Variants in SETD2 observed in about 807,000 individuals in gnomAD.
The protein encoded by SETD2 is SET domain containing 2, histone lysine methyltransferase.
In SETD2, 31 loss-of-function variants were observed where a neutral mutation model predicts 242.1. The ratio of observed to expected loss-of-function variants is 0.13; its 90% CI spans 0.10 to 0.17. SETD2 has a LOEUF of 0.17. Ranked by LOEUF, SETD2 falls within the 10% of genes least tolerant of loss-of-function variation. The pLI is 1.00. For missense variants in SETD2, 2,481 were observed against 3,046.3 expected (o/e 0.81, Z 4.37); for synonymous variants, 1,006 against 1,066.5 (o/e 0.94, Z 1.11).
chr3:47,096,002 C>T (rs1025902159), intron 9 of SETD2, among the ~76,000 whole-genome samples: 4 of 152,140 alleles, frequency 2.6e-5, no homozygotes, highest in Non-Finnish European at 5.9e-5. Context: ...GCTATCCTCC[C>T]GCCTTGGCCT....
chr3:47,138,700 C>T (rs571052654), intron 1 of SETD2, among the ~76,000 whole-genome samples: 11 of 152,030 alleles, frequency 7.2e-5, no homozygotes, highest in African/African-American at 2.4e-4. Flanking sequence ...GGATTACAGG[C>T]GTGAGCCACC....
intron 1 of SETD2, among the ~76,000 whole-genome samples, chr3:47,142,753 C>T (rs1226368580): frequency 1.3e-5 from 2 of 151,598 alleles, no homozygotes; most frequent in Admixed American, 1.3e-4. Context: ...CTGCAACCTC[C>T]GCCTCCCAGG....
intron 1 of SETD2, among the ~76,000 whole-genome samples, chr3:47,161,080 C>T (rs1414935491): frequency 6.6e-6 from 1 of 152,152 alleles, no homozygotes; most frequent in East Asian, 1.9e-4. Context: ...CATTTCAAAC[C>T]ATCCAAAGTC....
chr3:47,085,824 C>A (rs1434017746), intron 11 of SETD2, among the ~76,000 whole-genome samples: 1 of 152,176 alleles, frequency 6.6e-6, no homozygotes, highest in East Asian at 1.9e-4. Context: ...GAATTCAGAT[C>A]TTTACCAATT....
intron 12 of SETD2, among the ~76,000 whole-genome samples, chr3:47,072,410 A>G (rs2040863861): frequency 6.6e-6 from 1 of 152,198 alleles, no homozygotes; most frequent in African/African-American, 2.4e-5. Flanking sequence ...TTGAAAACTA[A>G]GACTAGATTT....
At chr3:47,130,988 A>AAACC (rs1273958372) in intron 1 of SETD2, among the ~76,000 whole-genome samples, 1 of 152,206 alleles carries the variant, frequency 6.6e-6, no homozygotes, top group Non-Finnish European at 1.5e-5. Context: ...GACTTAAAAA[A>AAACC]AACCAACCAA....
At chr3:47,102,539 T>C (rs1202187933) in intron 7 of SETD2, among the ~76,000 whole-genome samples, 1 of 152,208 alleles carries the variant, frequency 6.6e-6, no homozygotes, top group Non-Finnish European at 1.5e-5. Context: ...GCCTATAATC[T>C]TAGCACTTTG....
rs2043692691 is a variant in SETD2 at position 47,140,150 on chromosome 3, G to A, written c.72-13487C>T. Reference sequence around the variant, plus strand: ...CTTTGTTAAAAAGCTAATCTCAAATGTGTCACTACGGAATTCTAATCAGTG... The same window carrying A: ...CTTTGTTAAAAAGCTAATCTCAAATATGTCACTACGGAATTCTAATCAGTG... On this transcript the variant is annotated intron_variant, in intron 1 of 20. Transcript: ENST00000409792. Among the ~76,000 whole-genome samples the A allele has an allele frequency of 2.0e-5, 3 of 152,140 alleles. No individual in the cohort carries two copies. The South Asian group carries it at 6.2e-4, about 32-fold the overall frequency.
intron 14 of SETD2, among the ~76,000 whole-genome samples, chr3:47,059,544 C>T (rs186055507): frequency 3.3e-5 from 5 of 151,794 alleles, no homozygotes; most frequent in Admixed American, 2.0e-4. Context: ...CTCAGTCTCC[C>T]GAGTAGCTGG....
rs865799338 is a variant in SETD2, at chr3:47,107,733, G to A, written c.4716-1613C>T. Among the ~76,000 whole-genome samples, 6 of 96,826 alleles carry A rather than the reference G, an allele frequency of 6.2e-5. 1 individual carries two copies. The highest frequency in any genetic ancestry group is 1.2e-4 in the Non-Finnish European group (6 of 48,926). The allele number at this position is 96,826 out of a possible 152,430, so 63.5% of individuals were successfully genotyped here. A position where few individuals can be genotyped will look rare whatever the true frequency, so the allele number is the denominator to read the frequency against. ...CACTTTGGGTGGCGGGGGGGGGTGG[G>A]GGGGGGGTGGCAGGATTGCTTTGGC... is the stretch of plus-strand genomic sequence containing the variant. On this transcript the variant is annotated intron_variant, in intron 5 of 20. Transcript: ENST00000409792.
In SETD2 at chr3:47,123,079, T is replaced by G. The variant is rs1361834704; in HGVS notation, c.1557A>C (p.Lys519Asn). 3.7e-6 allele frequency: 6 copies of G among 1,613,770 alleles called. No homozygotes were observed. Among genetic ancestry groups the G allele is most frequent in the Non-Finnish European group, 5.1e-6 (6 of 1,179,884 alleles). ...TAATTGCTTCATTTTCTGAAGTCCT[T>G]TTAGATTCTCTTTCTAGTTTTGAAG... ...KYSSKLERES[K>N]RTSENEAIKR... Residue 519 changes from lysine (K) to asparagine (N), a missense_variant, in exon 3 of 21, where the codon AAA (lysine) becomes AAC (asparagine). Around this residue, in one of 17 missense-constraint regions of SETD2, gnomAD observed 1,300 missense variants for 1,259.2 expected, o/e 1.03. Coordinates refer to ENST00000409792, the MANE Select transcript of SETD2 (RefSeq NM_014159.7).
At chr3:47,056,389 A>G (rs569779265) in intron 15 of SETD2, among the ~76,000 whole-genome samples, 1 of 152,106 alleles carries the variant, frequency 6.6e-6, no homozygotes, top group Non-Finnish European at 1.5e-5. Flanking sequence ...GGCCTCCCAA[A>G]GTGCTGGGAT....
intron 15 of SETD2, among the ~76,000 whole-genome samples, chr3:47,048,708 G>A (rs1482497742): frequency 2.6e-5 from 4 of 151,726 alleles, no homozygotes; most frequent in Non-Finnish European, 5.9e-5. Context: ...CCTCCTCCTC[G>A]CCAGGGTGGA....
At chr3:47,020,624 G>C (rs1195943530) in intron 18 of SETD2, among the ~76,000 whole-genome samples, 1 of 152,086 alleles carries the variant, frequency 6.6e-6, no homozygotes, top group Non-Finnish European at 1.5e-5. Flanking sequence ...CCATACCTTT[G>C]CCCACCACTA....
In SETD2 at chr3:47,120,761, T is replaced by G; in HGVS notation, c.3875A>C (p.Gln1292Pro). ...GGHKYQQNAE[Q>P]YGGTRDYWQG... Reference sequence around the variant, plus strand: ...CCAGTAATCACGTGTCCCACCATACTGTTCTGCATTTTGCTGATACTTGTG... The same window carrying G: ...CCAGTAATCACGTGTCCCACCATACGGTTCTGCATTTTGCTGATACTTGTG... The change falls in exon 3 of 21, where the codon CAG (glutamine) becomes CCG (proline). Residue 1292 changes from glutamine to proline, a missense_variant. Physicochemically the swap from Gln to Pro is moderately conservative, Grantham distance 76. This residue lies in a region of SETD2 where 1,300 missense variants were observed against 1,259.2 expected (regional missense o/e 1.03). Coordinates refer to ENST00000409792, the MANE Select transcript of SETD2 (RefSeq NM_014159.7). The G allele has an allele frequency of 6.2e-7, 1 of 1,614,180 alleles. No individual in the cohort carries two copies. Among genetic ancestry groups the G allele is most frequent in the South Asian group, 1.1e-5 (1 of 91,072 alleles).
In SETD2 at chr3:47,101,560, G is replaced by A; in HGVS notation, c.4918-5C>T. On this transcript the variant is annotated splice_polypyrimidine_tract_variant and splice_region_variant and intron_variant, in intron 7 of 20. Transcript: ENST00000409792. ...CAGTTGTCCGTTCACAGTCCACTGA[G>A]ATGATGTTTGAAAACAAAAGAAATT... is the stretch of plus-strand genomic sequence containing the variant. 1 of 1,583,350 alleles carries A rather than the reference G, an allele frequency of 6.3e-7. No individual in the cohort carries two copies. Among genetic ancestry groups the A allele is most frequent in the Non-Finnish European group, 8.7e-7 (1 of 1,152,734 alleles).
At chr3:47,078,617 T>G (rs548205399) in intron 12 of SETD2, among the ~76,000 whole-genome samples, 1 of 150,320 alleles carries the variant, frequency 6.7e-6, no homozygotes, top group Non-Finnish European at 1.5e-5. Flanking sequence ...TAGTATTTTA[T>G]CACTGTGATT....
At chr3:47,046,248 A>AG (rs2039520415) in intron 16 of SETD2, among the ~76,000 whole-genome samples, 1 of 151,240 alleles carries the variant, frequency 6.6e-6, no homozygotes, top group Non-Finnish European at 1.5e-5. Context: ...GAGGCAGGAG[A>AG]ATCGCTTTAA....
chr3:47,111,082 A>AG (rs1689939242), intron 5 of SETD2, among the ~76,000 whole-genome samples: 1 of 124,032 alleles, frequency 8.1e-6, no homozygotes, highest in Non-Finnish European at 1.6e-5. Context: ...GTTCCTTTAA[A>AG]AAAAAAAAAA....
Sources: gnomAD v4.1 joint callset for allele counts (sites outside exome capture counted in the v4.1 genomes callset) on GRCh38, gnomAD v4.1.1 for gene constraint, gnomAD v4.1.1 regional missense constraint, MANE v1.5 for transcripts, NCBI Gene and HGNC (gene_info 2026-07-23, HGNC 2026-07-21) for gene names.